The following ADCK1 variants were observed in gnomAD, a reference collection of about 807,000 sequenced individuals.
ADCK1 encodes the protein aarF domain containing kinase 1, also known as aarF domain-containing protein kinase 1.
Under a neutral mutation model 52.3 loss-of-function variants are expected in ADCK1, and 41 were observed. That is an observed-to-expected ratio of 0.78 (90% CI 0.61 to 1.02). ADCK1 has a LOEUF of 1.02. ADCK1 is among the 50% of genes least tolerant of loss of function. The pLI, the probability that ADCK1 is intolerant of heterozygous loss-of-function variation, is 0.00. For synonymous variants in ADCK1, 250 were observed against 274.6 expected, an observed-to-expected ratio of 0.91 and a Z score of 0.89; for missense variants, 658 against 679.5, an observed-to-expected ratio of 0.97 and a Z score of 0.35.
chr14:77,882,413 T>G (rs1162055905), intron 4 of ADCK1, among the ~76,000 whole-genome samples: 1 of 152,260 alleles, frequency 6.6e-6, no homozygotes, highest in Non-Finnish European at 1.5e-5. Flanking sequence ...CAGGCTTCCG[T>G]CTGCATCTGG....
intron 4 of ADCK1, among the ~76,000 whole-genome samples, chr14:77,863,736 C>T (rs1231953972): frequency 6.6e-6 from 1 of 151,886 alleles, no homozygotes; most frequent in Admixed American, 6.6e-5. Flanking sequence ...ACTTGGAAGG[C>T]TGTGGCAGGA....
At chr14:77,924,431 T>C (rs2084135712) in intron 7 of ADCK1, 26 bp from the exon 8 acceptor site, 2 of 1,611,952 alleles carry the variant, frequency 1.2e-6, no homozygotes, top group Non-Finnish European at 1.7e-6. Context: ...GGAGAGGAGC[T>C]CCCACCTGCC....
chr14:77,801,146 C>T (rs376429992), intron 1 of ADCK1, among the ~76,000 whole-genome samples: 8 of 152,286 alleles, frequency 5.3e-5, no homozygotes, highest in South Asian at 4.1e-4. Flanking sequence ...CCAGAGTCAC[C>T]TGGAGAGCTA....
At chr14:77,861,994 G>A (rs1387425078) in intron 4 of ADCK1, among the ~76,000 whole-genome samples, 2 of 152,176 alleles carry the variant, frequency 1.3e-5, no homozygotes, top group African/African-American at 4.8e-5. Flanking sequence ...GAGTGCGCTG[G>A]GGCCACATTG....
intron 4 of ADCK1, among the ~76,000 whole-genome samples, chr14:77,859,857 T>C (rs1353034981): frequency 1.3e-5 from 2 of 152,266 alleles, no homozygotes; most frequent in Non-Finnish European, 2.9e-5. Flanking sequence ...ATTATTTGTA[T>C]AGTAATGGTG....
intron 4 of ADCK1, among the ~76,000 whole-genome samples, chr14:77,886,716 G>T (rs2083155776): frequency 1.3e-5 from 2 of 152,042 alleles, no homozygotes; most frequent in Admixed American, 1.3e-4. Context: ...GTCACTTGAG[G>T]TCAGGAATTT....
Position 77,801,895 on chromosome 14 carries a change from C to T in ADCK1, c.-12+1725C>T, listed in dbSNP as rs144827180. 7.0e-3 allele frequency among the ~76,000 whole-genome samples: 1,059 copies of T among 152,014 alleles called. 11 individuals are homozygous for T. The highest frequency in any genetic ancestry group is 0.024 in the African/African-American group (1,003 of 41,424). ...GACGGAGGCTGCAGTGAGCCGAGAT[C>T]GTGTCACTGCACTCCAGCCTGGGCG... On this transcript the variant is annotated intron_variant, in intron 1 of 10. Transcript: ENST00000238561.
chr14:77,820,769 A>T (rs764328192), intron 2 of ADCK1, among the ~76,000 whole-genome samples: 25 of 151,156 alleles, frequency 1.7e-4, no homozygotes, highest in South Asian at 4.2e-4. Context: ...TATTATTATT[A>T]TTTTTTTGAG....
intron 4 of ADCK1, among the ~76,000 whole-genome samples, chr14:77,864,822 C>T (rs934334901): frequency 3.3e-5 from 5 of 152,096 alleles, no homozygotes; most frequent in African/African-American, 9.7e-5. Context: ...CAGGAAGAAC[C>T]GATGGTGCAG....
intron 7 of ADCK1, chr14:77,908,511 A>C (rs1327457623): frequency 2.6e-5 from 4 of 152,426 alleles, no homozygotes; most frequent in Non-Finnish European, 5.9e-5. Context: ...GTACTTTTTC[A>C]ACAACATTCA....
chr14:77,882,564 G>T (rs752783190), intron 4 of ADCK1, among the ~76,000 whole-genome samples: 15 of 152,230 alleles, frequency 9.9e-5, no homozygotes, highest in Non-Finnish European at 2.1e-4. Context: ...GAATTCAGCC[G>T]TCCCCCATCC....
intron 4 of ADCK1, among the ~76,000 whole-genome samples, chr14:77,875,752 C>T (rs1023657835): frequency 6.6e-6 from 1 of 152,134 alleles, no homozygotes. Context: ...TTCAACTGAG[C>T]AGGGCTGAGC....
At chr14:77,861,637 G>A (rs1026519593) in intron 4 of ADCK1, among the ~76,000 whole-genome samples, 1 of 152,132 alleles carries the variant, frequency 6.6e-6, no homozygotes, top group African/African-American at 2.4e-5. Flanking sequence ...CCCAGTCCTC[G>A]GATAGGCTTT....
chr14:77,824,183 C>A (rs1057108551), intron 3 of ADCK1, among the ~76,000 whole-genome samples: 5 of 152,296 alleles, frequency 3.3e-5, no homozygotes, highest in African/African-American at 1.2e-4. Flanking sequence ...CAGGTGTGAG[C>A]CACCATGCCT....
intron 1 of ADCK1, among the ~76,000 whole-genome samples, chr14:77,806,860 G>A (rs2081234923): frequency 6.6e-6 from 1 of 151,892 alleles, no homozygotes; most frequent in South Asian, 2.1e-4. Context: ...GACTACAGGT[G>A]CATGCCATCA....
In ADCK1 at chr14:77,900,730, G is replaced by T. The variant is rs189384515; in HGVS notation, c.741+1472G>T. On this transcript the variant is annotated intron_variant, in intron 6 of 10. Transcript: ENST00000238561. The stretch of plus-strand genomic sequence containing the variant: ...ACGGCTCTGCTGGATGCAGCTTTCT[G>T]CATTCACAGTGTTTCTCGCAGATGA... 3.6e-5 allele frequency: 14 copies of T among 385,400 alleles called. No homozygotes were observed. In the East Asian group the frequency reaches 9.6e-4, roughly 26 times the overall value. The allele number at this position is 385,400 out of a possible 1,614,324, so 23.9% of individuals were successfully genotyped here.
intron 4 of ADCK1, among the ~76,000 whole-genome samples, chr14:77,882,956 ACCCC>A (rs11303286): frequency 4.1e-5 from 4 of 98,332 alleles, no homozygotes; most frequent in Non-Finnish European, 8.3e-5. Context: ...TTCTTACACC[ACCCC>A]CCCCCCCGTG....
Position 77,931,661 on chromosome 14 carries a change from C to G in ADCK1, c.1350C>G (p.Ser450Arg). The G allele has an allele frequency of 2.5e-6, 4 of 1,609,700 alleles. No homozygotes were observed. The highest frequency in any genetic ancestry group is 3.4e-6 in the Non-Finnish European group (4 of 1,180,002). The change falls in exon 10 of 11, where the codon AGC (serine) becomes AGG (arginine). Residue 450 changes from serine to arginine, a missense_variant. Ser to Arg is a moderately radical substitution (Grantham distance 110). Transcript: ENST00000238561. ...AGGCCGCCCTGGGCACCCGCGCCAGCGCCAGCTCCTTTCTCAACATGTCAC... is the reference window on the plus strand; with the variant it reads ...AGGCCGCCCTGGGCACCCGCGCCAGGGCCAGCTCCTTTCTCAACATGTCAC... The part of the protein sequence containing the change: ...GIEAALGTRA[S>R]ASSFLNMSRC...
At position 77,931,502 on chromosome 14, in the gene ADCK1, C is replaced by T. The variant is rs1212262694; in HGVS notation, c.1207-16C>T. The T allele has an allele frequency of 6.2e-7, 1 of 1,609,112 alleles. No individual in the cohort carries two copies. Among genetic ancestry groups the T allele is most frequent in the African/African-American group, 1.3e-5 (1 of 74,858 alleles). On this transcript the variant is annotated splice_polypyrimidine_tract_variant and intron_variant, in intron 9 of 10. Transcript: ENST00000238561. ...CATACCAACCATCTGTTTCTGTTGC[C>T]CCATTGCTGCTTCAGGACTTAGAGA...
Sources: allele counts gnomAD v4.1 joint callset (sites outside exome capture counted in the v4.1 genomes callset), GRCh38; gene constraint gnomAD v4.1.1; transcripts MANE v1.5; gene names NCBI Gene and HGNC (gene_info 2026-07-23, HGNC 2026-07-21).